Variants in MDGA2 observed in about 807,000 individuals in gnomAD.
The protein encoded by MDGA2 is MAM domain-containing glycosylphosphatidylinositol anchor protein 2.
In MDGA2, 40 loss-of-function variants were observed where a neutral mutation model predicts 117.8. The observed-to-expected ratio is 0.34, with a 90% CI of 0.26 to 0.44. The LOEUF is 0.44. Ranked by LOEUF, MDGA2 falls within the 20% of genes least tolerant of loss-of-function variation. The pLI, the probability that MDGA2 is intolerant of heterozygous loss-of-function variation, is 1.00. For synonymous variants in MDGA2, 452 were observed against 439.0 expected (o/e 1.03, Z -0.37); for missense variants, 1,123 against 1,250.6 (o/e 0.90, Z 1.54).
chr14:47,472,416 T>C (rs1893747144), intron 1 of MDGA2, among the ~76,000 whole-genome samples: 1 of 152,182 alleles, frequency 6.6e-6, no homozygotes, highest in Admixed American at 6.6e-5. Flanking sequence ...TACTGAATAC[T>C]TCAGGCAATT....
At chr14:47,180,401 A>G (rs1884651173) in intron 3 of MDGA2, among the ~76,000 whole-genome samples, 1 of 152,218 alleles carries the variant, frequency 6.6e-6, no homozygotes, top group African/African-American at 2.4e-5. Context: ...CTATCAATAG[A>G]GGAAACAGAC....
intron 1 of MDGA2, among the ~76,000 whole-genome samples, chr14:47,624,180 G>A (rs895116268): frequency 3.9e-5 from 6 of 152,144 alleles, no homozygotes; most frequent in Admixed American, 6.5e-5. Flanking sequence ...TTTCTAGGCC[G>A]GGTGCGGTAG....
intron 3 of MDGA2, among the ~76,000 whole-genome samples, chr14:47,214,793 C>T (rs17118171): frequency 0.1 from 15,247 of 151,950 alleles, 889 homozygotes; most frequent in East Asian, 0.23. Flanking sequence ...ACTTGTAGAA[C>T]GTGGGATTTG....
At chr14:47,504,618 A>G (rs1894472126) in intron 1 of MDGA2, among the ~76,000 whole-genome samples, 1 of 152,160 alleles carries the variant, frequency 6.6e-6, no homozygotes, top group East Asian at 1.9e-4. Flanking sequence ...CCTGAGGGAA[A>G]TGCAAATCAA....
intron 1 of MDGA2, among the ~76,000 whole-genome samples, chr14:47,329,185 G>GC (rs1416687313): frequency 6.6e-6 from 1 of 151,950 alleles, no homozygotes; most frequent in African/African-American, 2.4e-5. Context: ...TCCTGCCTTG[G>GC]CCCCTCAAAG....
rs75273477 is a variant in MDGA2 at position 47,394,046 on chromosome 14, G to A, written c.281-92496C>T. 4.9e-3 allele frequency among the ~76,000 whole-genome samples: 749 copies of A among 152,044 alleles called. 48 individuals are homozygous for A. The East Asian group carries it at 0.13, about 26-fold the overall frequency. On this transcript the variant is annotated intron_variant, in intron 1 of 16. Coordinates refer to ENST00000399232, the MANE Select transcript of MDGA2 (RefSeq NM_001113498.3). ...AATTGCTTGTGAACCTGCATATTCTGGCTCCCTTTTTTCCCCTTATGAAAT... is the reference window on the plus strand; with the variant it reads ...AATTGCTTGTGAACCTGCATATTCTAGCTCCCTTTTTTCCCCTTATGAAAT...
At chr14:47,409,932 A>C (rs1022700635) in intron 1 of MDGA2, among the ~76,000 whole-genome samples, 2 of 152,338 alleles carry the variant, frequency 1.3e-5, no homozygotes, top group Non-Finnish European at 2.9e-5. Context: ...CTGAGGAGTA[A>C]AGTGCAAAAA....
intron 1 of MDGA2, among the ~76,000 whole-genome samples, chr14:47,548,000 T>C (rs1895497174): frequency 6.6e-6 from 1 of 152,200 alleles, no homozygotes; most frequent in Non-Finnish European, 1.5e-5. Flanking sequence ...GTCACACAAA[T>C]TACATCCTTA....
At chr14:47,307,960 A>T (rs1012455298) in intron 1 of MDGA2, among the ~76,000 whole-genome samples, 5 of 152,168 alleles carry the variant, frequency 3.3e-5, no homozygotes, top group African/African-American at 1.2e-4. Flanking sequence ...TTATAAAGTC[A>T]GAGAGGTAGA....
intron 3 of MDGA2, among the ~76,000 whole-genome samples, chr14:47,181,045 CAG>C (rs1326200123): frequency 1.3e-5 from 2 of 152,128 alleles, no homozygotes; most frequent in African/African-American, 4.8e-5. Flanking sequence ...TTGTGGAAGA[CAG>C]TGTAGTTATT....
chr14:47,617,455 C>G (rs574088175), intron 1 of MDGA2, among the ~76,000 whole-genome samples: 2 of 152,110 alleles, frequency 1.3e-5, no homozygotes. Flanking sequence ...CCACCCACCT[C>G]GGCCTCCCAA....
At chr14:47,452,995 TTA>T in intron 1 of MDGA2, among the ~76,000 whole-genome samples, 1 of 152,216 alleles carries the variant, frequency 6.6e-6, no homozygotes, top group East Asian at 1.9e-4. Flanking sequence ...TATAGTTTTA[TTA>T]TATTATGTCA....
chr14:47,151,099 A>G (rs933588494), intron 3 of MDGA2, among the ~76,000 whole-genome samples: 3 of 152,160 alleles, frequency 2.0e-5, no homozygotes, highest in African/African-American at 7.2e-5. Context: ...TGACGAAGAC[A>G]TGCATTTCGG....
chr14:46,971,754 A>G (rs556420094), intron 8 of MDGA2, among the ~76,000 whole-genome samples: 25 of 152,300 alleles, frequency 1.6e-4, no homozygotes, highest in African/African-American at 5.8e-4. Context: ...AAAATAGCTA[A>G]AAGAGCTATG....
chr14:47,399,780 T>A (rs1892095604), intron 1 of MDGA2, among the ~76,000 whole-genome samples: 1 of 152,118 alleles, frequency 6.6e-6, no homozygotes, highest in Non-Finnish European at 1.5e-5. Context: ...AAATGCTGTA[T>A]AACAATGCAT....
rs1390042710 is a variant in MDGA2, at chr14:46,957,654, G to C, written c.1820-11C>G. 9.9e-6 allele frequency: 16 copies of C among 1,613,314 alleles called. No homozygotes were observed. Among genetic ancestry groups the C allele is most frequent in the Admixed American group, 1.7e-5 (1 of 59,940 alleles). On this transcript the variant is annotated splice_polypyrimidine_tract_variant and intron_variant, in intron 8 of 16. Coordinates refer to ENST00000399232, the MANE Select transcript of MDGA2 (RefSeq NM_001113498.3). ...CCACTGCAGGGGGATCTGTAGAAAA[G>C]ATATGTAAAAACAGATGAAAGATGT...
At chr14:46,998,595 C>A (rs192608080) in intron 8 of MDGA2, among the ~76,000 whole-genome samples, 1 of 151,944 alleles carries the variant, frequency 6.6e-6, no homozygotes, top group Non-Finnish European at 1.5e-5. Context: ...GAGAAAAGCT[C>A]GTGGAAAGTC....
chr14:47,463,188 A>G (rs2138596373), intron 1 of MDGA2, among the ~76,000 whole-genome samples: 1 of 152,358 alleles, frequency 6.6e-6, no homozygotes, highest in Admixed American at 6.5e-5. Flanking sequence ...TATATCTCAA[A>G]TTAAATTTTT....
At chr14:46,882,560 T>G (rs1182113287) in intron 10 of MDGA2, among the ~76,000 whole-genome samples, 1 of 150,858 alleles carries the variant, frequency 6.6e-6, no homozygotes, top group Non-Finnish European at 1.5e-5. Flanking sequence ...GCATACGAGA[T>G]TCTTGAATAC....
Sources: gnomAD v4.1 joint callset for allele counts (sites outside exome capture counted in the v4.1 genomes callset) on GRCh38, gnomAD v4.1.1 for gene constraint, MANE v1.5 for transcripts, NCBI Gene and HGNC (gene_info 2026-07-23, HGNC 2026-07-21) for gene names.